The following CHST11 variants were observed in gnomAD, a reference collection of about 807,000 sequenced individuals.
The protein encoded by CHST11 is C4S-1.
A neutral mutation model predicts 30.4 loss-of-function variants in CHST11; 9 were observed. The ratio of observed to expected loss-of-function variants is 0.30; its 90% CI spans 0.18 to 0.52. The LOEUF is 0.52. CHST11 is among the 20% of genes least tolerant of loss of function. The pLI, the probability that CHST11 is intolerant of heterozygous loss-of-function variation, is 0.97. For missense variants in CHST11, 348 were observed against 460.6 expected (o/e 0.76, Z 2.24); for synonymous variants, 152 against 187.8 (o/e 0.81, Z 1.56).
chr12:104,738,878 C>A (rs142630556), intron 2 of CHST11, among the ~76,000 whole-genome samples: 1 of 152,272 alleles, frequency 6.6e-6, no homozygotes, highest in Non-Finnish European at 1.5e-5. Context: ...CTGGGCTCCC[C>A]CAGCGCCTCA....
chr12:104,563,441 C>T (rs982334830), intron 1 of CHST11, among the ~76,000 whole-genome samples: 4 of 152,134 alleles, frequency 2.6e-5, no homozygotes, highest in African/African-American at 9.7e-5. Flanking sequence ...TTTTCACTCT[C>T]GCTCAAGGGG....
chr12:104,752,959 T>G (rs2040445687), intron 2 of CHST11, among the ~76,000 whole-genome samples: 1 of 152,264 alleles, frequency 6.6e-6, no homozygotes, highest in African/African-American at 2.4e-5. Flanking sequence ...CTGGCACTTT[T>G]GCAAGCACCG....
chr12:104,464,549 G>T (rs2037440758), intron 1 of CHST11, among the ~76,000 whole-genome samples: 1 of 152,020 alleles, frequency 6.6e-6, no homozygotes, highest in South Asian at 2.1e-4. Flanking sequence ...TATTGCCCAG[G>T]TTGGAGTGTA....
chr12:104,506,864 C>T (rs995771963), intron 1 of CHST11, among the ~76,000 whole-genome samples: 7 of 152,170 alleles, frequency 4.6e-5, no homozygotes, highest in Admixed American at 4.6e-4. Flanking sequence ...ACATATACAG[C>T]TGGCTGTCAG....
intron 1 of CHST11, among the ~76,000 whole-genome samples, chr12:104,548,766 C>T (rs1043453584): frequency 1.3e-5 from 2 of 152,170 alleles, no homozygotes; most frequent in African/African-American, 4.8e-5. Context: ...GGGCAGGGCC[C>T]CTTGCCTCCC....
intron 1 of CHST11, among the ~76,000 whole-genome samples, chr12:104,594,683 G>A (rs1279996590): frequency 2.0e-5 from 3 of 152,202 alleles, no homozygotes; most frequent in Admixed American, 6.5e-5. Context: ...AGGGCTTGAC[G>A]TGGTGGCTCA....
intron 2 of CHST11, among the ~76,000 whole-genome samples, chr12:104,672,522 G>A (rs1245834099): frequency 5.9e-5 from 9 of 152,180 alleles, no homozygotes; most frequent in Non-Finnish European, 1.3e-4. Flanking sequence ...TTGATTCCAC[G>A]AGCAGGTGTT....
chr12:104,636,919 T>C (rs1480930521), intron 2 of CHST11, among the ~76,000 whole-genome samples: 1 of 151,970 alleles, frequency 6.6e-6, no homozygotes, highest in Non-Finnish European at 1.5e-5. Context: ...TTGGGCCTGG[T>C]TTCTGTAAGC....
At chr12:104,575,812 C>A (rs892293088) in intron 1 of CHST11, among the ~76,000 whole-genome samples, 1 of 152,094 alleles carries the variant, frequency 6.6e-6, no homozygotes, top group Non-Finnish European at 1.5e-5. Context: ...CCCTTTCCTA[C>A]TTCGGCAGTG....
chr12:104,589,467 G>A (rs2136038325), intron 1 of CHST11, among the ~76,000 whole-genome samples: 1 of 151,942 alleles, frequency 6.6e-6, no homozygotes, highest in Non-Finnish European at 1.5e-5. Flanking sequence ...CCAGGGACAA[G>A]AGAGACGGGA....
At chr12:104,701,920 C>G (rs1361754346) in intron 2 of CHST11, among the ~76,000 whole-genome samples, 1 of 152,196 alleles carries the variant, frequency 6.6e-6, no homozygotes, top group East Asian at 1.9e-4. Flanking sequence ...AATATTGCTT[C>G]AAGTGGAGTT....
chr12:104,489,761 C>A (rs2037727780), intron 1 of CHST11, among the ~76,000 whole-genome samples: 1 of 152,194 alleles, frequency 6.6e-6, no homozygotes, highest in Admixed American at 6.5e-5. Flanking sequence ...CTGCGCCCGG[C>A]CAGAATACCC....
chr12:104,583,802 T>C (rs896906120), intron 1 of CHST11, among the ~76,000 whole-genome samples: 2 of 151,842 alleles, frequency 1.3e-5, no homozygotes, highest in African/African-American at 4.9e-5. Flanking sequence ...AACCTCTGCC[T>C]CCTGGGTTCA....
intron 2 of CHST11, among the ~76,000 whole-genome samples, chr12:104,652,898 A>G (rs551785810): frequency 1.1e-3 from 175 of 152,276 alleles, no homozygotes; most frequent in African/African-American, 4.0e-3. Context: ...CACGCTCCCT[A>G]CACACTCCCT....
chr12:104,539,166 C>T (rs1355937203), intron 1 of CHST11, among the ~76,000 whole-genome samples: 4 of 152,300 alleles, frequency 2.6e-5, no homozygotes, highest in African/African-American at 9.6e-5. Context: ...CGCGACTCTT[C>T]ACTTTTTTCC....
intron 2 of CHST11, among the ~76,000 whole-genome samples, chr12:104,725,909 T>G (rs1214707361): frequency 1.3e-5 from 2 of 151,888 alleles, no homozygotes; most frequent in African/African-American, 4.8e-5. Flanking sequence ...GTAGGAGCAG[T>G]GTATGGATGA....
chr12:104,574,981 C>T (rs2038668674), intron 1 of CHST11, among the ~76,000 whole-genome samples: 1 of 152,000 alleles, frequency 6.6e-6, no homozygotes, highest in Non-Finnish European at 1.5e-5. Context: ...CATTTGAGTT[C>T]ACTAGTTCAA....
intron 1 of CHST11, among the ~76,000 whole-genome samples, chr12:104,537,390 G>GA (rs2038246969): frequency 6.6e-6 from 1 of 152,136 alleles, no homozygotes; most frequent in Non-Finnish European, 1.5e-5. Flanking sequence ...ACGACATTAG[G>GA]GGGGTAGTGG....
chr12:104,620,147 G>A (rs1029375183), intron 2 of CHST11, among the ~76,000 whole-genome samples: 18 of 152,266 alleles, frequency 1.2e-4, no homozygotes, highest in Middle Eastern at 3.4e-3. Flanking sequence ...TCCCCTAAAG[G>A]TATTTTGTCA....
Sources: gnomAD v4.1 joint callset for allele counts (sites outside exome capture counted in the v4.1 genomes callset) on GRCh38, gnomAD v4.1.1 for gene constraint, MANE v1.5 for transcripts, NCBI Gene and HGNC (gene_info 2026-07-23, HGNC 2026-07-21) for gene names.